INTS7: variants seen among roughly 807,000 people sequenced by gnomAD.
The protein encoded by INTS7 is integrator complex subunit 7.
Under a neutral mutation model 109.2 loss-of-function variants are expected in INTS7, and 46 were observed. That is an observed-to-expected ratio of 0.42 (90% CI 0.33 to 0.54). The LOEUF (loss-of-function observed/expected upper bound fraction) is 0.54. Among genes scored for constraint, INTS7 ranks in the 20% least tolerant of loss-of-function variants. The probability of loss-of-function intolerance (pLI) is 0.07; values close to 1 mark genes in which losing one functional copy is unlikely to be tolerated. For synonymous variants in INTS7, 412 were observed against 402.9 expected (o/e 1.02, Z -0.27); for missense variants, 929 against 1,132.4 (o/e 0.82, Z 2.58).
chr1:212,018,087 G>A (rs973459037), intron 3 of INTS7, among the ~76,000 whole-genome samples: 1 of 152,052 alleles, frequency 6.6e-6, no homozygotes, highest in African/African-American at 2.4e-5. Flanking sequence ...TTACAAAACA[G>A]GTCCTATATG....
chr1:211,976,325 G>T (rs1426517182), intron 12 of INTS7, among the ~76,000 whole-genome samples: 2 of 152,138 alleles, frequency 1.3e-5, no homozygotes, highest in African/African-American at 2.4e-5. Context: ...AGAGCAAAAT[G>T]AAAGTGGCAC....
At chr1:212,024,853 CTTG>C (rs1666852529) in intron 1 of INTS7, among the ~76,000 whole-genome samples, 1 of 152,188 alleles carries the variant, frequency 6.6e-6, no homozygotes, top group African/African-American at 2.4e-5. Context: ...CATTGAAAAT[CTTG>C]TTGTCATCAT....
At chr1:212,030,146 T>C (rs1667089204) in intron 1 of INTS7, among the ~76,000 whole-genome samples, 1 of 152,336 alleles carries the variant, frequency 6.6e-6, no homozygotes, top group African/African-American at 2.4e-5. Context: ...TAGTTATATA[T>C]AAGAATGAGT....
intron 4 of INTS7, 62 bp from the exon 5 acceptor site, chr1:212,011,483 T>TA: frequency 9.8e-7 from 1 of 1,021,500 alleles, no homozygotes; most frequent in Non-Finnish European, 1.5e-6. Context: ...TCTAAGGACT[T>TA]AAAAGAAATA....
intron 13 of INTS7, among the ~76,000 whole-genome samples, chr1:211,969,876 G>A (rs374536772): frequency 2.6e-5 from 4 of 151,974 alleles, no homozygotes; most frequent in South Asian, 2.1e-4. Context: ...CTGCCACCAC[G>A]CCTGGCTAAT....
In INTS7 at chr1:211,944,952, C is replaced by T. The variant is rs770885418; in HGVS notation, c.2433G>A (p.Ser811=). 5.0e-6 allele frequency: 8 copies of T among 1,613,676 alleles called. No homozygotes were observed. Among genetic ancestry groups the T allele is most frequent in the African/African-American group, 1.3e-5 (1 of 75,000 alleles). ...CAATGGGCTCTGCAGGATTCCGGGG[C>T]GATGGTGACAGAGCAAGCTGGAATG... ...STSIKLALSP[S]PRNPAEPIAV... The change falls in exon 19 of 20, where the codon TCG becomes TCA. Residue 811 remains serine (S), a synonymous_variant. Transcript: ENST00000366994.
intron 19 of INTS7, among the ~76,000 whole-genome samples, chr1:211,943,764 A>G (rs1662732574): frequency 1.3e-5 from 2 of 152,186 alleles, no homozygotes; most frequent in South Asian, 4.1e-4. Flanking sequence ...AGATAATAAA[A>G]TGCTCTCTTT....
At chr1:211,990,337 A>G (rs978092851) in intron 7 of INTS7, among the ~76,000 whole-genome samples, 4 of 152,140 alleles carry the variant, frequency 2.6e-5, no homozygotes, top group Non-Finnish European at 4.4e-5. Flanking sequence ...ATGTTCCCCC[A>G]TATTAAGAGG....
intron 17 of INTS7, among the ~76,000 whole-genome samples, chr1:211,949,993 C>A (rs1211983651): frequency 6.6e-6 from 1 of 152,218 alleles, no homozygotes; most frequent in Non-Finnish European, 1.5e-5. Flanking sequence ...AACTGCACCA[C>A]CAATCCATTT....
chr1:212,010,919 A>G (rs564542672), intron 5 of INTS7, among the ~76,000 whole-genome samples: 9 of 152,296 alleles, frequency 5.9e-5, no homozygotes, highest in Admixed American at 4.6e-4. Context: ...ATGCAAGACT[A>G]TATCTGCATG....
chr1:211,994,519 G>C (rs373870505), intron 7 of INTS7, among the ~76,000 whole-genome samples: 3 of 150,826 alleles, frequency 2.0e-5, no homozygotes, highest in South Asian at 4.2e-4. Flanking sequence ...TGCGTCCCTG[G>C]TTCCAGCAAT....
intron 14 of INTS7, 129 bp downstream of exon 14, chr1:211,968,384 G>T: frequency 1.3e-6 from 1 of 754,248 alleles, no homozygotes; most frequent in Non-Finnish European, 2.1e-6. Flanking sequence ...TAGCCAGACA[G>T]TTGAGTGAAT....
rs1664727570 is a variant in INTS7, at chr1:211,982,935, T to A, written c.998-125A>T. The stretch of plus-strand genomic sequence containing the variant: ...AACAATAAACTTCAACAAAATTTCC[T>A]ACCACAATCCCACTATCAATACATA... On this transcript the variant is annotated intron_variant, in intron 8 of 19. Transcript: ENST00000366994. 4.6e-6 allele frequency: 3 copies of A among 651,662 alleles called. No homozygotes were observed. The Admixed American group carries it at 9.5e-5, about 21-fold the overall frequency. 40.4% of individuals were successfully genotyped at this position (651,662 alleles called of 1,614,324 possible).
At chr1:212,016,479 G>T (rs1287928945) in intron 4 of INTS7, among the ~76,000 whole-genome samples, 1 of 152,202 alleles carries the variant, frequency 6.6e-6, no homozygotes, top group Non-Finnish European at 1.5e-5. Context: ...TTTAATTCAA[G>T]TTATTGTCTT....
chr1:211,975,208 A>G lies in INTS7; in HGVS notation c.1773T>C (p.Ala591=). Residue 591 remains alanine (A), a synonymous_variant, in exon 13 of 20, where the codon GCT becomes GCC. Transcript: ENST00000366994. ...CTTTGTGATAGAATTTTAAAGATTC[A>G]GCAATGCAAGAAAGTGCTGAACTAT... ...ENYSSALSCI[A]ESLKFYHKGI... 2 of 1,613,860 alleles carry G rather than the reference A, an allele frequency of 1.2e-6. No homozygotes were observed. Among genetic ancestry groups the G allele is most frequent in the East Asian group, 2.2e-5 (1 of 44,868 alleles).
intron 17 of INTS7, among the ~76,000 whole-genome samples, chr1:211,947,572 C>T (rs79853618): frequency 4.6e-5 from 7 of 152,056 alleles, no homozygotes; most frequent in Non-Finnish European, 1.0e-4. Flanking sequence ...GCACTAGCTG[C>T]GGGAGGTCTG....
At chr1:211,985,384 C>A (rs1025796734) in intron 8 of INTS7, among the ~76,000 whole-genome samples, 1 of 151,882 alleles carries the variant, frequency 6.6e-6, no homozygotes, top group Non-Finnish European at 1.5e-5. Flanking sequence ...ACATAATAAA[C>A]GGAAATAAAG....
rs974760561 is a variant in INTS7, at chr1:211,942,972, T to G, written c.2602-861A>C. Among the ~76,000 whole-genome samples, 1 of 152,192 alleles carries G rather than the reference T, an allele frequency of 6.6e-6. No individual in the cohort carries two copies. Among genetic ancestry groups the G allele is most frequent in the Non-Finnish European group, 1.5e-5 (1 of 68,036 alleles). ...TATATAAATGTGCCCTGCAGCTTTGTGTCTCAAGGAGCAGTTATCATGTCA... is the reference window on the plus strand; with the variant it reads ...TATATAAATGTGCCCTGCAGCTTTGGGTCTCAAGGAGCAGTTATCATGTCA... On this transcript the variant is annotated intron_variant, in intron 19 of 19. Coordinates refer to ENST00000366994, the MANE Select transcript of INTS7 (RefSeq NM_015434.4). This position sits in a 1 kb window ranked among gnomAD's most constrained non-coding sequence, Gnocchi z 4.2.
chr1:211,959,696 G>A lies in INTS7; in HGVS notation c.2183+6734C>T, dbSNP rs546090226. 1.6e-4 allele frequency among the ~76,000 whole-genome samples: 24 copies of A among 152,118 alleles called. No homozygotes were observed. Among genetic ancestry groups the A allele is most frequent in the Non-Finnish European group, 3.2e-4 (22 of 68,008 alleles). On this transcript the variant is annotated intron_variant, in intron 16 of 19. Coordinates refer to ENST00000366994, the MANE Select transcript of INTS7 (RefSeq NM_015434.4). The surrounding 1 kb of genome is among the most constrained non-coding windows in gnomAD (Gnocchi z 4.2). ...AGCTCCTGTGTCAACATTGCCCTGG[G>A]AGTGAAACCAGGCGTGAACAACAAT...
Sources: allele counts gnomAD v4.1 joint callset (sites outside exome capture counted in the v4.1 genomes callset), GRCh38; gene constraint gnomAD v4.1.1; non-coding constraint Gnocchi (gnomAD v3.1); transcripts MANE v1.5; gene names NCBI Gene and HGNC (gene_info 2026-07-23, HGNC 2026-07-21).